ANKS1B: variants seen among roughly 807,000 people sequenced by gnomAD.
ANKS1B encodes ankyrin repeat and sterile alpha motif domain-containing protein 1B.
Under a neutral mutation model 148.3 loss-of-function variants are expected in ANKS1B, and 36 were observed. The ratio of observed to expected loss-of-function variants is 0.24; its 90% confidence interval spans 0.19 to 0.32. The LOEUF (loss-of-function observed/expected upper bound fraction) is 0.32, where lower values mean the gene tolerates loss of function less well. Among genes scored for constraint, ANKS1B ranks in the 10% least tolerant of loss-of-function variants. The pLI, the probability that ANKS1B is intolerant of heterozygous loss-of-function variation, is 1.00. For synonymous variants in ANKS1B, 542 were observed against 560.8 expected, an observed-to-expected ratio of 0.97 and a Z score of 0.47; for missense variants, 1,157 against 1,542.6, an observed-to-expected ratio of 0.75 and a Z score of 4.19.
Position 98,899,100 on chromosome 12 carries a change from T to C in ANKS1B, c.2779-66964A>G, listed in dbSNP as rs1296648049. Among the ~76,000 whole-genome samples the C allele has an allele frequency of 2.0e-5, 3 of 152,308 alleles. No homozygotes were observed. The East Asian group carries it at 5.8e-4, about 29-fold the overall frequency. ...CTTTGTAAGATTTAGAGGAATAGGA[T>C]TTTAAGAGTTTATTCATTTGTTTAG... On this transcript the variant is annotated intron_variant, in intron 17 of 26. Coordinates refer to ENST00000683438, the MANE Select transcript of ANKS1B (RefSeq NM_001352186.2).
chr12:99,495,146 T>G (rs2096591825), intron 10 of ANKS1B, among the ~76,000 whole-genome samples: 1 of 152,170 alleles, frequency 6.6e-6, no homozygotes, highest in Admixed American at 6.5e-5. Flanking sequence ...GTTTACCTTG[T>G]TATTATACAT....
chr12:99,192,131 C>CAAAAAAAAA (rs35767286), intron 14 of ANKS1B, among the ~76,000 whole-genome samples: 2 of 57,804 alleles, frequency 3.5e-5, no homozygotes, highest in African/African-American at 7.0e-5. Flanking sequence ...GACTCCATCT[C>CAAAAAAAAA]AAAAAAAAAA....
chr12:99,451,786 C>CGTGTGTGT (rs147892225), intron 10 of ANKS1B, among the ~76,000 whole-genome samples: 8,001 of 150,424 alleles, frequency 0.053, 252 homozygotes, highest in East Asian at 0.13. Flanking sequence ...TGTACAGATA[C>CGTGTGTGT]GTGTGTGTGT....
intron 15 of ANKS1B, among the ~76,000 whole-genome samples, chr12:99,125,167 T>G (rs754091645): frequency 4.6e-5 from 7 of 152,068 alleles, no homozygotes; most frequent in Non-Finnish European, 1.0e-4. Context: ...ATGATGTGCG[T>G]GAGAGCAGGG....
intron 25 of ANKS1B, among the ~76,000 whole-genome samples, chr12:98,752,013 G>A (rs2098106853): frequency 6.6e-6 from 1 of 152,184 alleles, no homozygotes. Flanking sequence ...TGTAAATTGT[G>A]TATTCAGTGA....
At chr12:99,513,832 TTC>T (rs2096790264) in intron 9 of ANKS1B, among the ~76,000 whole-genome samples, 1 of 152,068 alleles carries the variant, frequency 6.6e-6, no homozygotes, top group Non-Finnish European at 1.5e-5. Flanking sequence ...CCTGCCTCTC[TTC>T]TAATCAATTC....
Position 99,779,896 on chromosome 12 carries a change from A to G in ANKS1B, c.822T>C (p.Ser274=). The change falls in exon 6 of 27, where the codon TCT becomes TCC. Residue 274 remains serine, a synonymous_variant. Coordinates refer to ENST00000683438, the MANE Select transcript of ANKS1B (RefSeq NM_001352186.2). ...CTTGTAAGAGTGTTGCAATCTGGAG[A>G]GATTTCTGAGATGGATGTTCTTTCA... ...DILKEHPSQK[S]LQIATLLQEY... is the part of the protein sequence containing the mutation. The G allele has an allele frequency of 6.2e-7, 1 of 1,612,774 alleles. No individual in the cohort carries two copies. Among genetic ancestry groups the G allele is most frequent in the Non-Finnish European group, 8.5e-7 (1 of 1,179,416 alleles).
chr12:99,772,803 G>A, intron 8 of ANKS1B, 119 bp downstream of exon 8: 1 of 1,074,786 alleles, frequency 9.3e-7, no homozygotes, highest in Non-Finnish European at 1.3e-6. Context: ...GAGCAATAAG[G>A]AAACTGACAT....
chr12:99,387,034 G>A (rs2152532835), intron 12 of ANKS1B, among the ~76,000 whole-genome samples: 1 of 152,298 alleles, frequency 6.6e-6, no homozygotes, highest in African/African-American at 2.4e-5. Flanking sequence ...CACTTTATTT[G>A]AGACATGGTC....
At chr12:99,806,369 C>T in intron 4 of ANKS1B, 35 bp downstream of exon 4, 1 of 1,603,542 alleles carries the variant, frequency 6.2e-7, no homozygotes, top group Non-Finnish European at 8.5e-7. Flanking sequence ...GCAACAGCAT[C>T]ATCACTTTTA....
chr12:98,969,263 A>C (rs2099881190), intron 17 of ANKS1B, among the ~76,000 whole-genome samples: 1 of 152,218 alleles, frequency 6.6e-6, no homozygotes, highest in Non-Finnish European at 1.5e-5. Context: ...CTGAAATGTC[A>C]AAGTGATCTC....
At chr12:99,877,356 T>C (rs981196163) in intron 1 of ANKS1B, among the ~76,000 whole-genome samples, 3 of 152,306 alleles carry the variant, frequency 2.0e-5, no homozygotes, top group Admixed American at 1.3e-4. Flanking sequence ...GTCAAACCTA[T>C]CAGATAATCT....
chr12:98,807,271 A>G (rs928275698), intron 20 of ANKS1B, among the ~76,000 whole-genome samples: 1 of 152,168 alleles, frequency 6.6e-6, no homozygotes, highest in Admixed American at 6.5e-5. Flanking sequence ...GCAAAGATCA[A>G]TTCAGTACTG....
At chr12:98,986,222 G>A (rs982494498) in intron 17 of ANKS1B, among the ~76,000 whole-genome samples, 1 of 150,842 alleles carries the variant, frequency 6.6e-6, no homozygotes, top group Non-Finnish European at 1.5e-5. Context: ...TATTAATTCT[G>A]CTTGGTGTTC....
At chr12:99,680,088 G>T (rs988660749) in intron 8 of ANKS1B, among the ~76,000 whole-genome samples, 3 of 152,214 alleles carry the variant, frequency 2.0e-5, no homozygotes, top group African/African-American at 7.2e-5. Flanking sequence ...GACCACGGGA[G>T]AAGGATTTAA....
At chr12:99,308,589 C>T (rs906137250) in intron 12 of ANKS1B, among the ~76,000 whole-genome samples, 5 of 151,840 alleles carry the variant, frequency 3.3e-5, no homozygotes, top group African/African-American at 1.2e-4. Flanking sequence ...CCCATATTTT[C>T]AAGCTAATTT....
intron 8 of ANKS1B, among the ~76,000 whole-genome samples, chr12:99,677,328 CTGTT>C (rs889783552): frequency 4.6e-5 from 7 of 151,966 alleles, no homozygotes; most frequent in African/African-American, 9.7e-5. Context: ...CTCCTCCAAA[CTGTT>C]TGTTTTTTTA....
At chr12:99,404,313 C>T (rs990395108) in intron 11 of ANKS1B, among the ~76,000 whole-genome samples, 3 of 145,454 alleles carry the variant, frequency 2.1e-5, no homozygotes, top group African/African-American at 7.9e-5. Context: ...TACTCCTGAA[C>T]TCAAAATAGA....
At chr12:99,416,385 G>A (rs181160895) in intron 11 of ANKS1B, among the ~76,000 whole-genome samples, 1 of 152,290 alleles carries the variant, frequency 6.6e-6, no homozygotes, top group Non-Finnish European at 1.5e-5. Context: ...ACAAATGCTG[G>A]TTGGTATGGC....
Sources: gnomAD v4.1 joint callset for allele counts (sites outside exome capture counted in the v4.1 genomes callset) on GRCh38, gnomAD v4.1.1 for gene constraint, MANE v1.5 for transcripts, NCBI Gene and HGNC (gene_info 2026-07-23, HGNC 2026-07-21) for gene names.